The following AFF1 variants were observed in gnomAD, a reference collection of about 807,000 sequenced individuals.
The protein encoded by AFF1 is AF4/FMR2 family member 1.
In AFF1, 48 loss-of-function variants were observed where a neutral mutation model predicts 121.7. The ratio of observed to expected loss-of-function variants is 0.39; its 90% CI spans 0.31 to 0.50. The LOEUF is 0.50. Ranked by LOEUF, AFF1 falls within the 20% of genes least tolerant of loss-of-function variation. The pLI is 0.76. For missense variants in AFF1, 1,523 were observed against 1,511.7 expected, an observed-to-expected ratio of 1.01 and a Z score of -0.12; for synonymous variants, 613 against 563.0, an observed-to-expected ratio of 1.09 and a Z score of -1.26.
intron 2 of AFF1, among the ~76,000 whole-genome samples, chr4:86,998,115 A>C (rs1287448468): frequency 2.0e-5 from 3 of 150,564 alleles, no homozygotes; most frequent in Admixed American, 6.6e-5. Flanking sequence ...AAAAAAAAAA[A>C]AAAAAAAAAA....
At chr4:86,960,017 C>T (rs1318493506) in intron 2 of AFF1, among the ~76,000 whole-genome samples, 1 of 152,114 alleles carries the variant, frequency 6.6e-6, no homozygotes, top group Non-Finnish European at 1.5e-5. Context: ...TGACTCTTTT[C>T]ACATCAAAGT....
rs1236678839 is a variant in AFF1, at chr4:87,010,216, A to G, written c.39-35950A>G. On this transcript the variant is annotated intron_variant, in intron 2 of 20. Coordinates refer to ENST00000395146, the MANE Select transcript of AFF1 (RefSeq NM_001166693.3). Reference sequence around the variant, plus strand: ...GAGTAGGAAATTTGTTTTGTGGCTGATTTCTTCTCTTAAAGCTGGAAGACA... The same window carrying G: ...GAGTAGGAAATTTGTTTTGTGGCTGGTTTCTTCTCTTAAAGCTGGAAGACA... 7.2e-5 allele frequency among the ~76,000 whole-genome samples: 11 copies of G among 152,190 alleles called. 1 individual carries two copies. The highest frequency in any genetic ancestry group is 7.2e-4 in the Admixed American group (11 of 15,286).
Position 87,106,524 on chromosome 4 carries a change from A to G in AFF1, c.1376+679A>G, listed in dbSNP as rs142614214. ...TTTTCAATAAAGCTCAGTTATTTCCAGAACTTCTTTTCCATTATGCCTGTT... is the reference window on the plus strand; with the variant it reads ...TTTTCAATAAAGCTCAGTTATTTCCGGAACTTCTTTTCCATTATGCCTGTT... On this transcript the variant is annotated intron_variant, in intron 10 of 20. Coordinates refer to ENST00000395146, the MANE Select transcript of AFF1 (RefSeq NM_001166693.3). Among the ~76,000 whole-genome samples the G allele has an allele frequency of 1.2e-4, 18 of 152,372 alleles. No individual in the cohort carries two copies. In the East Asian group the frequency reaches 3.1e-3, roughly 26 times the overall value.
chr4:87,134,130 CAGTT>C (rs771794536), intron 19 of AFF1, among the ~76,000 whole-genome samples: 11 of 152,158 alleles, frequency 7.2e-5, no homozygotes, highest in Non-Finnish European at 1.0e-4. Context: ...AGCAGGTGCT[CAGTT>C]AGTGTTTACT....
intron 12 of AFF1, among the ~76,000 whole-genome samples, 154 bp from the exon 13 acceptor site, chr4:87,124,883 C>T (rs1728070009): frequency 6.6e-6 from 1 of 152,204 alleles, no homozygotes; most frequent in East Asian, 1.9e-4. Flanking sequence ...CACTCACACA[C>T]AGACACACAT....
intron 4 of AFF1, among the ~76,000 whole-genome samples, chr4:87,049,978 C>T (rs1731112636): frequency 6.6e-6 from 1 of 152,140 alleles, no homozygotes. Context: ...TGTTTATACA[C>T]TTAGCAAAAT....
intron 4 of AFF1, among the ~76,000 whole-genome samples, chr4:87,066,424 A>C (rs964011018): frequency 3.3e-5 from 5 of 152,056 alleles, no homozygotes. Context: ...CATCCCTATA[A>C]ATATTTAACA....
At chr4:86,969,199 C>T (rs898612394) in intron 2 of AFF1, among the ~76,000 whole-genome samples, 7 of 152,116 alleles carry the variant, frequency 4.6e-5, no homozygotes, top group African/African-American at 1.7e-4. Context: ...ACAGTTGAGT[C>T]CAGGCGTGGT....
At chr4:86,985,217 AATTAT>A (rs1381441865) in intron 2 of AFF1, among the ~76,000 whole-genome samples, 1 of 137,498 alleles carries the variant, frequency 7.3e-6, no homozygotes, top group African/African-American at 2.7e-5. Context: ...ATATATATAA[AATTAT>A]ATTTTAGGCC....
At chr4:87,048,347 T>A (rs1042960136) in intron 4 of AFF1, among the ~76,000 whole-genome samples, 16 of 152,338 alleles carry the variant, frequency 1.1e-4, no homozygotes, top group African/African-American at 3.6e-4. Context: ...TTTCTTTTTC[T>A]ACTGCATGGA....
At position 87,138,700 on chromosome 4, in the gene AFF1, G is replaced by A. The variant is rs1167090169; in HGVS notation, c.*2999G>A. ...ACATTGGCCACCTAGTAGCAGTGGT[G>A]AGGAGTGGGAGGGCCCAGCAAGCAT... On this transcript the variant is annotated 3_prime_UTR_variant, in exon 21 of 21. Transcript: ENST00000395146. The A allele has an allele frequency of 1.7e-5, 4 of 231,500 alleles. No individual in the cohort carries two copies. The highest frequency in any genetic ancestry group is 2.6e-5 in the Non-Finnish European group (3 of 117,036). The allele number at this position is 231,500 out of a possible 1,614,324, so 14.3% of individuals were successfully genotyped here. A position where few individuals can be genotyped will look rare whatever the true frequency, so the allele number is the denominator to read the frequency against.
intron 2 of AFF1, among the ~76,000 whole-genome samples, chr4:87,031,587 G>A (rs907939570): frequency 1.3e-5 from 2 of 152,058 alleles, no homozygotes; most frequent in African/African-American, 4.8e-5. Flanking sequence ...CATTCTGTGA[G>A]GCTTACAACC....
At chr4:86,997,942 C>T (rs1354750507) in intron 2 of AFF1, among the ~76,000 whole-genome samples, 4 of 151,678 alleles carry the variant, frequency 2.6e-5, no homozygotes, top group African/African-American at 9.7e-5. Context: ...ACTAAAAATA[C>T]AAAAAATTTG....
chr4:87,135,250 T>C (rs1729201260), intron 20 of AFF1, among the ~76,000 whole-genome samples: 1 of 152,200 alleles, frequency 6.6e-6, no homozygotes, highest in Non-Finnish European at 1.5e-5. Context: ...ACATAGAGCC[T>C]CTTAGGGCCT....
intron 4 of AFF1, among the ~76,000 whole-genome samples, chr4:87,081,151 A>ATTT (rs1560606159): frequency 3.9e-5 from 4 of 101,666 alleles, no homozygotes; most frequent in Non-Finnish European, 5.7e-5. Context: ...TAATGAAATG[A>ATTT]ATTTTTTTTT....
rs1477812961 is a variant in AFF1 at position 87,127,661 on chromosome 4, C to T, written c.2922C>T (p.His974=). 5.0e-6 allele frequency: 8 copies of T among 1,614,054 alleles called. No individual in the cohort carries two copies. The highest frequency in any genetic ancestry group is 2.2e-5 in the East Asian group (1 of 44,892). The change falls in exon 16 of 21, where the codon CAC becomes CAT. Residue 974 remains histidine (H), a synonymous_variant. Coordinates refer to ENST00000395146, the MANE Select transcript of AFF1 (RefSeq NM_001166693.3). Reference sequence around the variant, plus strand: ...TTTTCAGACAACAAGCAGACCTTCACATGAGGGAGGCAAAAAAGATGAAGC... The same window carrying T: ...TTTTCAGACAACAAGCAGACCTTCATATGAGGGAGGCAAAAAAGATGAAGC... ...VKFDKQQADL[H]MREAKKMKQK...
intron 5 of AFF1, among the ~76,000 whole-genome samples, chr4:87,088,490 G>A (rs1351872073): frequency 6.6e-6 from 1 of 152,216 alleles, no homozygotes; most frequent in Non-Finnish European, 1.5e-5. Context: ...TTTTTGTGGA[G>A]ATAGGTTAGC....
rs531157211 is a variant in AFF1, at chr4:87,122,956, G to A, written c.2467-2081G>A. 3.4e-4 allele frequency among the ~76,000 whole-genome samples: 51 copies of A among 149,778 alleles called. No homozygotes were observed. The Middle Eastern group carries it at 0.011, about 31-fold the overall frequency. On this transcript the variant is annotated intron_variant, in intron 12 of 20. Coordinates refer to ENST00000395146, the MANE Select transcript of AFF1 (RefSeq NM_001166693.3). ...GATGCCCAGGCTGGAGTGCAGTGGC[G>A]CAATCTCAGCTCACTGCACCCTCCA...
At chr4:87,058,452 T>G (rs1246689861) in intron 4 of AFF1, among the ~76,000 whole-genome samples, 1 of 152,096 alleles carries the variant, frequency 6.6e-6, no homozygotes, top group Admixed American at 6.6e-5. Flanking sequence ...TAACTTTGCT[T>G]CCTACCTTTC....
Sources: gnomAD v4.1 joint callset for allele counts (sites outside exome capture counted in the v4.1 genomes callset) on GRCh38, gnomAD v4.1.1 for gene constraint, MANE v1.5 for transcripts, NCBI Gene and HGNC (gene_info 2026-07-23, HGNC 2026-07-21) for gene names.